Variants in FNBP1L observed in about 807,000 individuals in gnomAD.
The protein encoded by FNBP1L is formin binding protein 1 like, also known as formin-binding protein 1-like.
In FNBP1L, 36 loss-of-function variants were observed where a neutral mutation model predicts 91.2. The ratio of observed to expected loss-of-function variants is 0.39; its 90% CI spans 0.30 to 0.52. FNBP1L has a LOEUF of 0.52. FNBP1L is among the 20% of genes least tolerant of loss of function. The probability of loss-of-function intolerance (pLI) is 0.66; values close to 1 mark genes in which losing one functional copy is unlikely to be tolerated. For missense variants in FNBP1L, 571 were observed against 732.1 expected (o/e 0.78, Z 2.54); for synonymous variants, 242 against 237.0 (o/e 1.02, Z -0.19).
At chr1:93,494,554 A>G (rs746277801) in intron 1 of FNBP1L, among the ~76,000 whole-genome samples, 19 of 152,274 alleles carry the variant, frequency 1.2e-4, no homozygotes, top group Non-Finnish European at 2.5e-4. Context: ...TTGTCCTTCA[A>G]AGTCACTGCA....
intron 1 of FNBP1L, among the ~76,000 whole-genome samples, chr1:93,481,985 C>T (rs113118730): frequency 0.028 from 4,187 of 152,004 alleles, 199 homozygotes; most frequent in African/African-American, 0.096. Context: ...CATGGCGAAA[C>T]CCCATCTCCA....
At chr1:93,488,705 A>G (rs1490282281) in intron 1 of FNBP1L, among the ~76,000 whole-genome samples, 2 of 152,224 alleles carry the variant, frequency 1.3e-5, no homozygotes, top group Non-Finnish European at 1.5e-5. Flanking sequence ...TTCCTGGAAT[A>G]CATCAAACAT....
chr1:93,503,678 T>C (rs1255294874), intron 2 of FNBP1L, among the ~76,000 whole-genome samples: 1 of 152,192 alleles, frequency 6.6e-6, no homozygotes, highest in East Asian at 1.9e-4. Flanking sequence ...AATTGAATCA[T>C]GTCCATTTTG....
intron 2 of FNBP1L, among the ~76,000 whole-genome samples, chr1:93,508,327 T>TGAC (rs1292224298): frequency 2.0e-5 from 3 of 152,160 alleles, no homozygotes; most frequent in Non-Finnish European, 4.4e-5. Flanking sequence ...CCAGCCTGGG[T>TGAC]GACAGAGTGA....
At chr1:93,487,318 C>T (rs1290552132) in intron 1 of FNBP1L, among the ~76,000 whole-genome samples, 1 of 152,136 alleles carries the variant, frequency 6.6e-6, no homozygotes, top group African/African-American at 2.4e-5. Flanking sequence ...ACTCCCCTAT[C>T]ACTTTCTTTT....
chr1:93,520,490 AT>A (rs1227925472), intron 2 of FNBP1L, among the ~76,000 whole-genome samples: 2 of 152,210 alleles, frequency 1.3e-5, no homozygotes, highest in African/African-American at 4.8e-5. Flanking sequence ...GACATAGAAA[AT>A]ATAGGCCCTA....
At chr1:93,523,283 C>G in intron 3 of FNBP1L, 61 bp from the exon 4 acceptor site, 1 of 1,513,096 alleles carries the variant, frequency 6.6e-7, no homozygotes, top group Non-Finnish European at 8.9e-7. Context: ...CAGTCCATAC[C>G]TCACCAACAT....
At chr1:93,467,146 C>T (rs147663341) in intron 1 of FNBP1L, among the ~76,000 whole-genome samples, 4 of 152,300 alleles carry the variant, frequency 2.6e-5, no homozygotes, top group East Asian at 1.9e-4. Context: ...CATGAGCTAC[C>T]GCGCCTAGCC....
chr1:93,499,222 CA>C lies in FNBP1L; in HGVS notation c.25-245del, dbSNP rs201036912. 3.9e-3 allele frequency among the ~76,000 whole-genome samples: 588 copies of C among 152,100 alleles called. 3 individuals are homozygous for C. The highest frequency in any genetic ancestry group is 0.027 in the Middle Eastern group (8 of 294). Reference sequence around the variant, plus strand: ...GAAGAGTTGACTGCAAAAAGCTGATCAGGGGAGGGTGTTGCAACTGGGAGAG... The same window carrying C: ...GAAGAGTTGACTGCAAAAAGCTGATCGGGGAGGGTGTTGCAACTGGGAGAG... On this transcript the variant is annotated intron_variant, in intron 1 of 16. Coordinates refer to ENST00000271234, the MANE Select transcript of FNBP1L (RefSeq NM_001164473.3).
intron 1 of FNBP1L, among the ~76,000 whole-genome samples, chr1:93,455,668 A>G (rs1369253891): frequency 6.6e-6 from 1 of 152,226 alleles, no homozygotes; most frequent in Non-Finnish European, 1.5e-5. Context: ...TTTAATTCCT[A>G]GTTTCATGAG....
intron 10 of FNBP1L, 94 bp downstream of exon 10, chr1:93,536,584 A>G (rs1671858112): frequency 1.8e-6 from 2 of 1,132,964 alleles, no homozygotes; most frequent in Non-Finnish European, 2.3e-6. Context: ...GCTCTCTCCT[A>G]TAAATACACA....
Position 93,544,134 on chromosome 1 carries a change from C to G in FNBP1L, c.1192C>G (p.Leu398Val). The change falls in exon 12 of 17, where the codon CTG becomes GTG. Residue 398 changes from leucine to valine, a missense_variant. Transcript: ENST00000271234. ...MGPALEDFSH[L>V]PPEQRRKKLQ... is the part of the protein sequence containing the mutation. Reference sequence around the variant, plus strand: ...CCCAGCACTAGAAGATTTCAGTCATCTGCCACCAGAACAGAGACGTAAAAA... The same window carrying G: ...CCCAGCACTAGAAGATTTCAGTCATGTGCCACCAGAACAGAGACGTAAAAA... 1 of 1,610,312 alleles carries G rather than the reference C, an allele frequency of 6.2e-7. No homozygotes were observed. Among genetic ancestry groups the G allele is most frequent in the Non-Finnish European group, 8.5e-7 (1 of 1,177,822 alleles).
intron 8 of FNBP1L, among the ~76,000 whole-genome samples, chr1:93,533,872 G>A (rs1405375463): frequency 6.6e-6 from 1 of 152,072 alleles, no homozygotes; most frequent in Non-Finnish European, 1.5e-5. Flanking sequence ...TATTGCTGAG[G>A]GTAGCATTAC....
chr1:93,530,730 A>G, intron 6 of FNBP1L, 25 bp from the exon 7 acceptor site: 2 of 1,588,878 alleles, frequency 1.3e-6, no homozygotes, highest in Non-Finnish European at 8.6e-7. Flanking sequence ...GTTGTTGATA[A>G]TAATTTCGAC....
intron 5 of FNBP1L, among the ~76,000 whole-genome samples, chr1:93,527,645 C>T (rs1306216597): frequency 6.6e-6 from 1 of 152,020 alleles, no homozygotes; most frequent in Non-Finnish European, 1.5e-5. Flanking sequence ...GAAACGAACT[C>T]CCTGGCCATG....
At chr1:93,507,087 ACACACACACACACACACACACT>A (rs1442966524) in intron 2 of FNBP1L, among the ~76,000 whole-genome samples, 7 of 131,100 alleles carry the variant, frequency 5.3e-5, no homozygotes, top group Non-Finnish European at 9.5e-5. Context: ...ACACACACAC[ACACACACACACACACACACACT>A]CTCTCTCTCT....
intron 1 of FNBP1L, among the ~76,000 whole-genome samples, chr1:93,481,369 A>G (rs1669698064): frequency 6.6e-6 from 1 of 152,196 alleles, no homozygotes; most frequent in Non-Finnish European, 1.5e-5. Flanking sequence ...GTAATCAAAT[A>G]TATAGCTACT....
At chr1:93,538,077 A>G (rs1374379218) in intron 10 of FNBP1L, among the ~76,000 whole-genome samples, 2 of 152,008 alleles carry the variant, frequency 1.3e-5, no homozygotes, top group Non-Finnish European at 2.9e-5. Flanking sequence ...AATCATTTGT[A>G]TATCCTATAT....
intron 1 of FNBP1L, among the ~76,000 whole-genome samples, chr1:93,472,790 C>T (rs561573218): frequency 8.9e-4 from 107 of 120,340 alleles, no homozygotes; most frequent in Non-Finnish European, 1.4e-3. Flanking sequence ...CCAGCCTGGG[C>T]GACAGAGCAA....
Sources: gnomAD v4.1 joint callset for allele counts (sites outside exome capture counted in the v4.1 genomes callset) on GRCh38, gnomAD v4.1.1 for gene constraint, MANE v1.5 for transcripts, NCBI Gene and HGNC (gene_info 2026-07-23, HGNC 2026-07-21) for gene names.